BABAM2: variants seen among roughly 807,000 people sequenced by gnomAD.
The protein encoded by BABAM2 is BRISC and BRCA1-A complex member 2.
Under a neutral mutation model 54.7 loss-of-function variants are expected in BABAM2, and 31 were observed. The observed-to-expected ratio is 0.57, with a 90% CI of 0.43 to 0.77. BABAM2 has a LOEUF of 0.77. BABAM2 is among the 30% of genes least tolerant of loss of function. The pLI, the probability that BABAM2 is intolerant of heterozygous loss-of-function variation, is 0.00. For missense variants in BABAM2, 364 were observed against 455.8 expected (o/e 0.80, Z 1.83); for synonymous variants, 167 against 162.9 (o/e 1.03, Z -0.19).
chr2:28,168,590 A>C (rs1673976288), intron 7 of BABAM2, among the ~76,000 whole-genome samples: 1 of 152,198 alleles, frequency 6.6e-6, no homozygotes, highest in Non-Finnish European at 1.5e-5. Flanking sequence ...TTATGGCCCA[A>C]GGTCCTTTAT....
At chr2:28,300,349 C>T (rs1290466803) in intron 11 of BABAM2, among the ~76,000 whole-genome samples, 4 of 152,110 alleles carry the variant, frequency 2.6e-5, no homozygotes, top group Admixed American at 6.6e-5. Context: ...TTCTTCTTTC[C>T]CTTTATTTTC....
intron 4 of BABAM2, chr2:28,013,246 C>A (rs993870797): frequency 4.2e-5 from 17 of 409,456 alleles, no homozygotes; most frequent in African/African-American, 3.3e-4. Context: ...TCCAAAGATT[C>A]TGACACCCTG....
intron 2 of BABAM2, among the ~76,000 whole-genome samples, chr2:27,928,981 G>T (rs1284919949): frequency 2.6e-5 from 4 of 150,954 alleles, no homozygotes; most frequent in Non-Finnish European, 5.9e-5. Flanking sequence ...TGGGAGGCTA[G>T]GTGGGAGGAG....
At chr2:28,219,673 G>A (rs373554443) in intron 7 of BABAM2, among the ~76,000 whole-genome samples, 6 of 151,578 alleles carry the variant, frequency 4.0e-5, no homozygotes, top group African/African-American at 9.7e-5. Context: ...AAAAAAAACC[G>A]GGTAGAGGAT....
At position 28,047,570 on chromosome 2, in the gene BABAM2, ATATT is replaced by A; in HGVS notation, c.570+1775_570+1778del. On this transcript the variant is annotated intron_variant, in intron 6 of 11. Coordinates refer to ENST00000379624, the MANE Select transcript of BABAM2 (RefSeq NM_199191.3). ...AAAATGTTTGTTGGCTCATAATCTCATATTTATCTCTTCAGCATCAAATTATCAT... is the reference window on the plus strand; with the variant it reads ...AAAATGTTTGTTGGCTCATAATCTCATATCTCTTCAGCATCAAATTATCAT... Among the ~76,000 whole-genome samples, 5 of 152,152 alleles carry A rather than the reference ATATT, an allele frequency of 3.3e-5. 1 individual carries two copies. The East Asian group carries it at 9.6e-4, about 29-fold the overall frequency.
At chr2:28,243,715 AAT>A (rs1682662407) in intron 9 of BABAM2, among the ~76,000 whole-genome samples, 1 of 152,180 alleles carries the variant, frequency 6.6e-6, no homozygotes, top group South Asian at 2.1e-4. Context: ...TCAAAAAAAA[AAT>A]AAATAAATTC....
chr2:27,976,728 T>C (rs182245898), intron 3 of BABAM2, among the ~76,000 whole-genome samples: 3 of 152,310 alleles, frequency 2.0e-5, no homozygotes, highest in Non-Finnish European at 4.4e-5. Flanking sequence ...AAATAGTTTA[T>C]AATTTTTATG....
intron 5 of BABAM2, among the ~76,000 whole-genome samples, chr2:28,030,884 GT>G (rs1558671193): frequency 2.0e-5 from 3 of 152,074 alleles, no homozygotes; most frequent in South Asian, 4.1e-4. Context: ...AAAGGAAACC[GT>G]TTCAGGGTAC....
intron 11 of BABAM2, among the ~76,000 whole-genome samples, chr2:28,335,198 C>T (rs1382528502): frequency 7.2e-6 from 1 of 139,542 alleles, no homozygotes; most frequent in Non-Finnish European, 1.5e-5. Flanking sequence ...GAGTCTGGCT[C>T]TGCCGCCCAG....
chr2:28,067,904 A>G (rs2148653328), intron 6 of BABAM2, among the ~76,000 whole-genome samples: 2 of 152,306 alleles, frequency 1.3e-5, no homozygotes, highest in Middle Eastern at 6.8e-3. Context: ...CACAGTGTAT[A>G]CTCAGTAAGA....
rs183290814 is a variant in BABAM2 at position 28,214,878 on chromosome 2, T to A, written c.681-22324T>A. Among the ~76,000 whole-genome samples the A allele has an allele frequency of 1.5e-3, 227 of 152,242 alleles. 1 individual carries two copies. The highest frequency in any genetic ancestry group is 9.6e-4 in the East Asian group (5 of 5,194). On this transcript the variant is annotated intron_variant, in intron 7 of 11. Coordinates refer to ENST00000379624, the MANE Select transcript of BABAM2 (RefSeq NM_199191.3). The stretch of plus-strand genomic sequence containing the variant: ...CAAGTGAAATTTTTCCTGTGACTGT[T>A]GCCCTCCCCAAGCACTCCTTGCAGG...
intron 7 of BABAM2, among the ~76,000 whole-genome samples, chr2:28,156,168 G>A (rs904706691): frequency 6.6e-6 from 1 of 152,052 alleles, no homozygotes; most frequent in Non-Finnish European, 1.5e-5. Context: ...TTGTTTTTCT[G>A]TGCTTGTAAT....
At chr2:28,244,148 C>T (rs1476885218) in intron 9 of BABAM2, among the ~76,000 whole-genome samples, 1 of 152,106 alleles carries the variant, frequency 6.6e-6, no homozygotes, top group Admixed American at 6.6e-5. Flanking sequence ...AGCATCCACC[C>T]ATCTAGTGTT....
At chr2:28,278,779 G>T (rs1480041888) in intron 10 of BABAM2, among the ~76,000 whole-genome samples, 1 of 152,192 alleles carries the variant, frequency 6.6e-6, no homozygotes, top group African/African-American at 2.4e-5. Flanking sequence ...CAGCAGAGGG[G>T]TGAGATGAGA....
intron 3 of BABAM2, among the ~76,000 whole-genome samples, chr2:27,986,391 C>T (rs1227640126): frequency 1.3e-5 from 2 of 151,664 alleles, no homozygotes; most frequent in African/African-American, 4.8e-5. Context: ...ATCATAGTGG[C>T]TATGGCAAAG....
chr2:28,040,381 A>G (rs1160412732), intron 5 of BABAM2, among the ~76,000 whole-genome samples: 4 of 134,240 alleles, frequency 3.0e-5, no homozygotes, highest in Admixed American at 8.2e-5. Context: ...GCTCACTGCA[A>G]GCTCCGCCTC....
chr2:28,026,919 TATATATAAATATATATATAA>T (rs1328493257), intron 5 of BABAM2, among the ~76,000 whole-genome samples: 5 of 30,674 alleles, frequency 1.6e-4, no homozygotes, highest in Non-Finnish European at 3.4e-4. Flanking sequence ...TATATATTAA[TATATATAAATATATATATAA>T]ATATATATTA....
intron 11 of BABAM2, among the ~76,000 whole-genome samples, chr2:28,299,692 GA>G (rs1226545666): frequency 1.3e-4 from 20 of 152,240 alleles, no homozygotes; most frequent in African/African-American, 4.8e-4. Context: ...GCCCAGCAAA[GA>G]AGATAAAGCC....
intron 7 of BABAM2, among the ~76,000 whole-genome samples, chr2:28,169,775 CAAAA>C (rs200601294): frequency 4.0e-5 from 4 of 100,854 alleles, no homozygotes; most frequent in Non-Finnish European, 6.2e-5. Context: ...GACTCTGTCT[CAAAA>C]AAAAAAAAAA....
Sources: allele counts gnomAD v4.1 joint callset (sites outside exome capture counted in the v4.1 genomes callset), GRCh38; gene constraint gnomAD v4.1.1; transcripts MANE v1.5; gene names NCBI Gene and HGNC (gene_info 2026-07-23, HGNC 2026-07-21).